The following PARP15 variants were observed in gnomAD, a reference collection of about 807,000 sequenced individuals.
The protein encoded by PARP15 is poly(ADP-ribose) polymerase family member 15.
In PARP15, 50 loss-of-function variants were observed where a neutral mutation model predicts 62.1. That is an observed-to-expected ratio of 0.81 (90% confidence interval 0.64 to 1.02). PARP15 has a LOEUF of 1.02. PARP15 is among the 50% of genes least tolerant of loss of function. PARP15 has a pLI of 0.00. For synonymous variants in PARP15, 309 were observed against 293.1 expected, an observed-to-expected ratio of 1.05 and a Z score of -0.55; for missense variants, 820 against 826.5, an observed-to-expected ratio of 0.99 and a Z score of 0.10.
chr3:122,593,506 G>C (rs1425241663), intron 1 of PARP15, among the ~76,000 whole-genome samples: 1 of 151,984 alleles, frequency 6.6e-6, no homozygotes, highest in Non-Finnish European at 1.5e-5. Flanking sequence ...CTGTAAAAAA[G>C]AAATTAGTAC....
intron 2 of PARP15, among the ~76,000 whole-genome samples, chr3:122,610,291 T>G (rs1935468232): frequency 6.6e-6 from 1 of 152,228 alleles, no homozygotes; most frequent in Non-Finnish European, 1.5e-5. Flanking sequence ...ATATATTTCC[T>G]TAATGTCTAA....
chr3:122,617,740 GT>G (rs1312254003), intron 6 of PARP15, among the ~76,000 whole-genome samples: 5 of 152,164 alleles, frequency 3.3e-5, no homozygotes, highest in African/African-American at 4.8e-5. Context: ...ACCTTTTTGG[GT>G]TTTTTGAGGC....
At position 122,617,031 on chromosome 3, in the gene PARP15, C is replaced by G. The variant is rs150711162; in HGVS notation, c.867C>G (p.Val289=). ...AGDTQGVVGT[V]SKPCFTAYEM... is the part of the protein sequence containing the mutation. The stretch of plus-strand genomic sequence containing the variant: ...TCTTTTCAGGTGTGGTCGGGACTGT[C>G]TCTAAGCCTTGTTTCACAGCATATG... The change falls in exon 6 of 12, where the codon GTC becomes GTG. Residue 289 remains valine (V), a synonymous_variant. Coordinates refer to ENST00000464300, the MANE Select transcript of PARP15 (RefSeq NM_001113523.3). The G allele has an allele frequency of 8.3e-4, 1,339 of 1,614,122 alleles. 18 individuals are homozygous for G. The South Asian group carries it at 8.8e-3, about 11-fold the overall frequency.
At chr3:122,617,243 G>A in intron 6 of PARP15, 79 bp downstream of exon 6, 1 of 1,409,188 alleles carries the variant, frequency 7.1e-7, no homozygotes, top group Non-Finnish European at 9.8e-7. Context: ...TATTTGCCCT[G>A]AGTGGACAGA....
At chr3:122,579,312 A>G (rs1263758933) in intron 1 of PARP15, among the ~76,000 whole-genome samples, 1 of 152,120 alleles carries the variant, frequency 6.6e-6, no homozygotes, top group Admixed American at 6.5e-5. Flanking sequence ...ATTTACGTGT[A>G]TGTATGCTTT....
intron 9 of PARP15, among the ~76,000 whole-genome samples, chr3:122,630,927 G>A (rs1937025870): frequency 6.6e-6 from 1 of 152,168 alleles, no homozygotes; most frequent in South Asian, 2.1e-4. Context: ...CAGAAGTGGT[G>A]TTATATGTGT....
intron 9 of PARP15, among the ~76,000 whole-genome samples, chr3:122,631,120 G>A (rs1937038330): frequency 6.6e-6 from 1 of 152,190 alleles, no homozygotes; most frequent in Admixed American, 6.5e-5. Context: ...AGATCCAAAA[G>A]GACTGTAAGG....
chr3:122,608,922 ATT>A (rs994582269), intron 2 of PARP15, among the ~76,000 whole-genome samples: 1 of 150,768 alleles, frequency 6.6e-6, no homozygotes, highest in Non-Finnish European at 1.5e-5. Context: ...CCACTAGCTA[ATT>A]TTTTTTTAAT....
Position 122,577,776 on chromosome 3 carries a change from CG to C in PARP15, c.112del (p.Glu38ArgfsTer43). ...AGVTSRAGRD[R>X]EAGSVLPAGN... ...TGTTACTTCCAGAGCCGGACGAGATCGGGAGGCGGGGAGCGTGCTGCCGGCC... is the reference window on the plus strand; with the variant it reads ...TGTTACTTCCAGAGCCGGACGAGATCGGAGGCGGGGAGCGTGCTGCCGGCC... On this transcript the variant is annotated frameshift_variant, in exon 1 of 12. Transcript: ENST00000464300. LOFTEE classifies it high-confidence loss of function. The C allele has an allele frequency of 6.4e-7, 1 of 1,551,478 alleles. No homozygotes were observed. Among genetic ancestry groups the C allele is most frequent in the Non-Finnish European group, 8.7e-7 (1 of 1,146,900 alleles).
chr3:122,592,967 G>T (rs1934040567), intron 1 of PARP15, among the ~76,000 whole-genome samples: 1 of 152,194 alleles, frequency 6.6e-6, no homozygotes, highest in South Asian at 2.1e-4. Context: ...AATGAGCTCT[G>T]CTACTTCATT....
rs2080711858 is a variant in PARP15, at chr3:122,577,855, T to C, written c.186+2T>C. 6.5e-7 allele frequency: 1 copy of C among 1,542,516 alleles called. No individual in the cohort carries two copies. Among genetic ancestry groups the C allele is most frequent in the African/African-American group, 1.4e-5 (1 of 72,804 alleles). ...CGGCGCTCTTCCTCCCGGAGTATGGTGAGGAGCGCGGGGGACGGGTGCGGG... is the reference window on the plus strand; with the variant it reads ...CGGCGCTCTTCCTCCCGGAGTATGGCGAGGAGCGCGGGGGACGGGTGCGGG... On this transcript the variant is annotated splice_donor_variant, in intron 1 of 11. Transcript: ENST00000464300. LOFTEE classifies it high-confidence loss of function.
At chr3:122,600,730 G>A (rs182518901) in intron 1 of PARP15, among the ~76,000 whole-genome samples, 34 of 151,612 alleles carry the variant, frequency 2.2e-4, no homozygotes, top group African/African-American at 7.7e-4. Flanking sequence ...GAATAAAGTC[G>A]TTATTCATGC....
chr3:122,632,276 A>G (rs748260488), intron 10 of PARP15, 57 bp downstream of exon 10: 23 of 1,517,772 alleles, frequency 1.5e-5, no homozygotes, highest in African/African-American at 2.7e-5. Flanking sequence ...CATAAAAGCT[A>G]TCTCTTTTTA....
intron 1 of PARP15, among the ~76,000 whole-genome samples, chr3:122,584,780 G>A (rs377438336): frequency 3.9e-5 from 6 of 152,056 alleles, no homozygotes; most frequent in East Asian, 3.9e-4. Flanking sequence ...GTTTCACCAC[G>A]TTGGTCAGGC....
At chr3:122,590,254 G>C (rs1162215850) in intron 1 of PARP15, among the ~76,000 whole-genome samples, 3 of 151,202 alleles carry the variant, frequency 2.0e-5, no homozygotes, top group African/African-American at 7.3e-5. Context: ...ACCTTATTTG[G>C]ATGACCAAGA....
chr3:122,635,827 A>G lies in PARP15; in HGVS notation c.1764A>G (p.Lys588=), dbSNP rs1400036263. 7 of 1,613,396 alleles carry G rather than the reference A, an allele frequency of 4.3e-6. No individual in the cohort carries two copies. The Admixed American group carries it at 8.3e-5, about 19-fold the overall frequency. ...TCTTTCCAGCTGTATCCTATGGAAA[A>G]GGAACCTATTTTGCTGTGGATGCCA... ...CAGKNAVSYG[K]GTYFAVDASY... is the part of the protein sequence containing the mutation. The change falls in exon 12 of 12, where the codon AAA becomes AAG. Residue 588 remains lysine, a synonymous_variant. Coordinates refer to ENST00000464300, the MANE Select transcript of PARP15 (RefSeq NM_001113523.3).
chr3:122,593,811 C>T (rs1325560965), intron 1 of PARP15, among the ~76,000 whole-genome samples: 1 of 152,028 alleles, frequency 6.6e-6, no homozygotes, highest in Non-Finnish European at 1.5e-5. Flanking sequence ...GAAATTTTGT[C>T]GCTTGTTTTG....
rs1175891938 is a variant in PARP15 at position 122,621,587 on chromosome 3, G to A, written c.1207G>A (p.Val403Ile). ...EECEQRKYTS[V>I]SLPAIGTGNA... ...GTGTGAACAGAGGAAGTACACATCG[G>A]TTTCCCTTCCAGCCATTGGAACAGG... The change falls in exon 8 of 12, where the codon GTT becomes ATT. Residue 403 changes from valine (V) to isoleucine (I), a missense_variant. Around this residue, in one of 3 missense-constraint regions of PARP15, gnomAD observed 731 missense variants for 727.7 expected, o/e 1.00. Transcript: ENST00000464300. The A allele has an allele frequency of 1.3e-6, 2 of 1,599,086 alleles. No homozygotes were observed. Among genetic ancestry groups the A allele is most frequent in the Non-Finnish European group, 1.7e-6 (2 of 1,175,208 alleles).
At chr3:122,634,900 C>T (rs1937261870) in intron 10 of PARP15, 120 bp from the exon 11 acceptor site, 1 of 1,031,922 alleles carries the variant, frequency 9.7e-7, no homozygotes, top group Non-Finnish European at 1.4e-6. Flanking sequence ...TCTCCTTTTC[C>T]TTCACCAAAT....
Sources: gnomAD v4.1 joint callset for allele counts (sites outside exome capture counted in the v4.1 genomes callset) on GRCh38, gnomAD v4.1.1 for gene constraint, gnomAD v4.1.1 regional missense constraint, MANE v1.5 for transcripts, NCBI Gene and HGNC (gene_info 2026-07-23, HGNC 2026-07-21) for gene names.